AKAP6: variants seen among roughly 807,000 people sequenced by gnomAD.
AKAP6 encodes the protein A-kinase anchoring protein 6.
Under a neutral mutation model 188.5 loss-of-function variants are expected in AKAP6, and 58 were observed. That is an observed-to-expected ratio of 0.31 (90% CI 0.25 to 0.38). The LOEUF is 0.38. Among genes scored for constraint, AKAP6 ranks in the 10% least tolerant of loss-of-function variants. The pLI is 1.00. For missense variants in AKAP6, 2,710 were observed against 2,740.0 expected, an observed-to-expected ratio of 0.99 and a Z score of 0.24; for synonymous variants, 989 against 998.6, an observed-to-expected ratio of 0.99 and a Z score of 0.18.
chr14:32,383,773 A>G (rs142946318), intron 1 of AKAP6, among the ~76,000 whole-genome samples: 2 of 152,306 alleles, frequency 1.3e-5, no homozygotes, highest in East Asian at 1.9e-4. Flanking sequence ...GTGTTTAAAC[A>G]TGGCTCCTGA....
intron 7 of AKAP6, among the ~76,000 whole-genome samples, chr14:32,632,713 G>A (rs151134888): frequency 1.3e-5 from 2 of 152,202 alleles, no homozygotes; most frequent in East Asian, 3.9e-4. Flanking sequence ...ACGAGCAGGG[G>A]CAAGAGACTG....
chr14:32,594,714 G>A (rs1161410090), intron 5 of AKAP6, among the ~76,000 whole-genome samples: 3 of 152,180 alleles, frequency 2.0e-5, no homozygotes, highest in African/African-American at 7.2e-5. Flanking sequence ...GACTTTTCAA[G>A]GCTTGGCTTT....
rs775746308 is a variant in AKAP6 at position 32,833,937 on chromosome 14, A to G, written c.*4132A>G. ...GTTCATTTATTGTTAATATTTCACCATATTTACTTCATCTCTGTATACACA... is the reference window on the plus strand; with the variant it reads ...GTTCATTTATTGTTAATATTTCACCGTATTTACTTCATCTCTGTATACACA... On this transcript the variant is annotated 3_prime_UTR_variant, in exon 14 of 14. Transcript: ENST00000280979. The G allele has an allele frequency of 5.9e-5, 9 of 152,206 alleles. No individual in the cohort carries two copies. The highest frequency in any genetic ancestry group is 1.9e-4 in the East Asian group (1 of 5,194). 9.4% of individuals were successfully genotyped at this position (152,206 alleles called of 1,614,324 possible).
intron 7 of AKAP6, among the ~76,000 whole-genome samples, chr14:32,607,868 G>A (rs1300974918): frequency 2.0e-5 from 3 of 152,124 alleles, no homozygotes; most frequent in Non-Finnish European, 4.4e-5. Context: ...AGTACCTAGG[G>A]AGAACTCTTT....
chr14:32,811,311 A>G (rs868183851), intron 12 of AKAP6, among the ~76,000 whole-genome samples: 64 of 151,160 alleles, frequency 4.2e-4, no homozygotes, highest in African/African-American at 1.4e-3. Context: ...TTAATTTGCT[A>G]ATTCAAACTG....
chr14:32,769,065 G>C (rs1222930114), intron 11 of AKAP6, among the ~76,000 whole-genome samples: 2 of 1,522 alleles, frequency 1.3e-3, no homozygotes, highest in Non-Finnish European at 3.4e-3. Flanking sequence ...TTTTTTTTTT[G>C]AGACAGAGTG....
At chr14:32,683,484 C>T (rs181016950) in intron 8 of AKAP6, among the ~76,000 whole-genome samples, 65 of 152,240 alleles carry the variant, frequency 4.3e-4, no homozygotes, top group Admixed American at 1.2e-3. Context: ...CAGTTATTGG[C>T]TCAAAGAGAA....
chr14:32,618,628 G>A (rs572993200), intron 7 of AKAP6, among the ~76,000 whole-genome samples: 1 of 152,232 alleles, frequency 6.6e-6, no homozygotes, highest in African/African-American at 2.4e-5. Context: ...CCATATCTTT[G>A]CAACTGTGAA....
At chr14:32,464,545 TC>T (rs1369244118) in intron 2 of AKAP6, among the ~76,000 whole-genome samples, 1 of 152,008 alleles carries the variant, frequency 6.6e-6, no homozygotes, top group African/African-American at 2.4e-5. Flanking sequence ...AAATTCAACA[TC>T]CCTTCATGCT....
chr14:32,511,940 G>T (rs1385051246), intron 2 of AKAP6, among the ~76,000 whole-genome samples: 2 of 152,134 alleles, frequency 1.3e-5, no homozygotes, highest in African/African-American at 4.8e-5. Context: ...CATATAAGTT[G>T]TCCCATCCTT....
intron 2 of AKAP6, among the ~76,000 whole-genome samples, chr14:32,515,200 A>T (rs1363997716): frequency 1.3e-5 from 2 of 152,068 alleles, no homozygotes; most frequent in South Asian, 4.1e-4. Context: ...GTGCAGGGGA[A>T]CTTCCATTTA....
At chr14:32,650,670 T>C (rs1481625209) in intron 7 of AKAP6, among the ~76,000 whole-genome samples, 1 of 152,020 alleles carries the variant, frequency 6.6e-6, no homozygotes, top group African/African-American at 2.4e-5. Flanking sequence ...TCATGTCACC[T>C]AAAAAAGAAA....
At chr14:32,354,854 C>T (rs536681828) in intron 1 of AKAP6, among the ~76,000 whole-genome samples, 1 of 152,340 alleles carries the variant, frequency 6.6e-6, no homozygotes, top group South Asian at 2.1e-4. Context: ...TGTCCTTTTG[C>T]CTTCTGGCAG....
At chr14:32,703,335 T>A (rs1006392660) in intron 9 of AKAP6, among the ~76,000 whole-genome samples, 4 of 152,130 alleles carry the variant, frequency 2.6e-5, no homozygotes, top group Non-Finnish European at 5.9e-5. Flanking sequence ...GTAAAACGCT[T>A]ACTTAGATGA....
intron 12 of AKAP6, among the ~76,000 whole-genome samples, chr14:32,800,964 C>T (rs567733845): frequency 2.2e-4 from 33 of 152,236 alleles, no homozygotes; most frequent in Admixed American, 1.8e-3. Flanking sequence ...CTGCAGTGAG[C>T]CATGATTGTA....
At chr14:32,696,427 G>A (rs558783907) in intron 9 of AKAP6, among the ~76,000 whole-genome samples, 39 of 152,258 alleles carry the variant, frequency 2.6e-4, no homozygotes, top group African/African-American at 8.9e-4. Context: ...AAGGATAAAT[G>A]GACTAGTAAT....
chr14:32,816,255 T>C, intron 12 of AKAP6, among the ~76,000 whole-genome samples: 1 of 152,148 alleles, frequency 6.6e-6, no homozygotes, highest in Admixed American at 6.6e-5. Context: ...TGCAGTGGCA[T>C]GATCATGGCT....
chr14:32,354,351 C>T (rs1315275087), intron 1 of AKAP6, among the ~76,000 whole-genome samples: 2 of 151,544 alleles, frequency 1.3e-5, no homozygotes, highest in African/African-American at 4.9e-5. Flanking sequence ...CCCTGCTCTG[C>T]CACTATAGCT....
intron 7 of AKAP6, among the ~76,000 whole-genome samples, chr14:32,642,461 A>T (rs1312744123): frequency 6.6e-6 from 1 of 152,212 alleles, no homozygotes; most frequent in East Asian, 1.9e-4. Flanking sequence ...CAGGCAATAT[A>T]AAAACTTTTG....
Sources: allele counts gnomAD v4.1 joint callset (sites outside exome capture counted in the v4.1 genomes callset), GRCh38; gene constraint gnomAD v4.1.1; transcripts MANE v1.5; gene names NCBI Gene and HGNC (gene_info 2026-07-23, HGNC 2026-07-21).